IRS1: variants seen among roughly 807,000 people sequenced by gnomAD.
IRS1 encodes insulin receptor substrate 1.
In IRS1, 34 loss-of-function variants were observed where a neutral mutation model predicts 65.6. The observed-to-expected ratio is 0.52, with a 90% CI of 0.39 to 0.69. The LOEUF (loss-of-function observed/expected upper bound fraction) is 0.69, where lower values mean the gene tolerates loss of function less well. Ranked by LOEUF, IRS1 falls within the 30% of genes least tolerant of loss-of-function variation. The pLI, the probability that IRS1 is intolerant of heterozygous loss-of-function variation, is 0.00. For missense variants in IRS1, 1,641 were observed against 1,720.2 expected (o/e 0.95, Z 0.81); for synonymous variants, 699 against 683.5 (o/e 1.02, Z -0.35).
chr2:226,770,310 C>A (rs1347292276), intron 1 of IRS1, among the ~76,000 whole-genome samples: 1 of 152,214 alleles, frequency 6.6e-6, no homozygotes, highest in East Asian at 1.9e-4. Context: ...AACAATAAAA[C>A]TAAATATGAG....
At chr2:226,769,162 T>A (rs542419736) in intron 1 of IRS1, among the ~76,000 whole-genome samples, 1 of 152,290 alleles carries the variant, frequency 6.6e-6, no homozygotes, top group African/African-American at 2.4e-5. Flanking sequence ...ACTCCCACTA[T>A]CACCGAATCA....
intron 1 of IRS1, among the ~76,000 whole-genome samples, chr2:226,777,584 T>A (rs1039129723): frequency 1.1e-4 from 16 of 152,212 alleles, no homozygotes; most frequent in Non-Finnish European, 2.2e-4. Flanking sequence ...GCTCCCATAA[T>A]TCCCATGTGT....
intron 1 of IRS1, among the ~76,000 whole-genome samples, chr2:226,748,875 A>G (rs566333190): frequency 6.6e-6 from 1 of 152,318 alleles, no homozygotes; most frequent in South Asian, 2.1e-4. Flanking sequence ...GAACAGAACA[A>G]GTTGATTTCC....
Position 226,758,688 on chromosome 2 carries a change from T to C in IRS1, c.*22-22438A>G, listed in dbSNP as rs1938851957. On this transcript the variant is annotated intron_variant, in intron 1 of 1. Transcript: ENST00000305123. ...CTAAGATATCTCTATGTGCCTCAAG[T>C]ATCTACTGCTAGAAATGTGGAAATG... Among the ~76,000 whole-genome samples the C allele has an allele frequency of 1.3e-5, 2 of 152,068 alleles. 1 individual carries two copies. Among genetic ancestry groups the C allele is most frequent in the South Asian group, 4.2e-4 (2 of 4,806 alleles).
In IRS1 at chr2:226,799,433, C is replaced by A; in HGVS notation, c.-695G>T. The A allele has an allele frequency of 8.3e-7, 1 of 1,211,756 alleles. No homozygotes were observed. The highest frequency in any genetic ancestry group is 1.7e-5 in the African/African-American group (1 of 60,212). 75.1% of individuals were successfully genotyped at this position (1,211,756 alleles called of 1,614,324 possible). On this transcript the variant is annotated 5_prime_UTR_variant, in exon 1 of 2. Transcript: ENST00000305123. The surrounding 1 kb of genome is among the most constrained non-coding windows in gnomAD (Gnocchi z 6.1). ...CGTCCTCTGCAGCCCCCATCCGGGC[C>A]CATCTCGGCGGGTGGAGAAAGTGGC...
At position 226,795,568 on chromosome 2, in the gene IRS1, C is replaced by T. The variant is rs781725718; in HGVS notation, c.3171G>A (p.Ser1057=). 7.9e-5 allele frequency: 127 copies of T among 1,612,844 alleles called. 1 individual carries two copies. The highest frequency in any genetic ancestry group is 7.5e-4 in the Admixed American group (45 of 60,002). Residue 1057 remains serine (S), a synonymous_variant, in exon 1 of 2, where the codon TCG becomes TCA. Transcript: ENST00000305123. Reference sequence around the variant, plus strand: ...GTCCTTGTGGGCCCCCCAGCAGGGACGAGTGGGCAGCCAGCTCTGCTGCCC... The same window carrying T: ...GTCCTTGTGGGCCCCCCAGCAGGGATGAGTGGGCAGCCAGCTCTGCTGCCC... The part of the protein sequence containing the change: ...PQGAAELAAH[S]SLLGGPQGPG...
chr2:226,787,319 G>A (rs148602460), intron 1 of IRS1, among the ~76,000 whole-genome samples: 291 of 152,246 alleles, frequency 1.9e-3, no homozygotes, highest in African/African-American at 6.8e-3. Context: ...AGGAAGCCAT[G>A]GTTAGAAAGA....
At chr2:226,762,554 A>T (rs990362007) in intron 1 of IRS1, among the ~76,000 whole-genome samples, 1 of 152,162 alleles carries the variant, frequency 6.6e-6, no homozygotes, top group Non-Finnish European at 1.5e-5. Context: ...TCTCTACCCC[A>T]ACAACTCAAC....
intron 1 of IRS1, among the ~76,000 whole-genome samples, chr2:226,788,189 A>G (rs1939522170): frequency 6.6e-6 from 1 of 152,168 alleles, no homozygotes; most frequent in South Asian, 2.1e-4. Context: ...CATATGTAAT[A>G]TGCAATATTT....
intron 1 of IRS1, among the ~76,000 whole-genome samples, chr2:226,773,203 A>G (rs1939196617): frequency 2.0e-5 from 3 of 152,216 alleles, no homozygotes; most frequent in Non-Finnish European, 4.4e-5. Flanking sequence ...TTATAAAGGA[A>G]CATAAGGTTT....
At chr2:226,776,551 C>T (rs971922823) in intron 1 of IRS1, among the ~76,000 whole-genome samples, 1 of 152,104 alleles carries the variant, frequency 6.6e-6, no homozygotes, top group Non-Finnish European at 1.5e-5. Flanking sequence ...CTGTTGATAA[C>T]AGGTACACTT....
intron 1 of IRS1, among the ~76,000 whole-genome samples, chr2:226,766,133 A>C (rs1173256083): frequency 9.8e-4 from 3 of 3,068 alleles, no homozygotes; most frequent in African/African-American, 1.8e-3. Flanking sequence ...ATATATATAT[A>C]TATATATATA....
At chr2:226,753,629 AG>A (rs1375658367) in intron 1 of IRS1, among the ~76,000 whole-genome samples, 4 of 152,216 alleles carry the variant, frequency 2.6e-5, no homozygotes, top group Admixed American at 6.5e-5. Context: ...GTGTATACCA[AG>A]AAAGGATCTA....
intron 1 of IRS1, among the ~76,000 whole-genome samples, chr2:226,766,118 ATCT>A (rs1939025297): frequency 1.8e-5 from 1 of 56,316 alleles, no homozygotes; most frequent in Non-Finnish European, 3.3e-5. Context: ...CCCTCTCTTA[ATCT>A]TATATATATA....
At chr2:226,772,813 T>C (rs1353934682) in intron 1 of IRS1, among the ~76,000 whole-genome samples, 6 of 152,152 alleles carry the variant, frequency 3.9e-5, no homozygotes. Flanking sequence ...AAGCAGTAAG[T>C]TACCACTGCT....
chr2:226,797,597 C>G lies in IRS1; in HGVS notation c.1142G>C (p.Arg381Pro). The change falls in exon 1 of 2, where the codon CGC becomes CCC. Residue 381 changes from arginine to proline, a missense_variant. Around this residue, in one of 3 missense-constraint regions of IRS1, gnomAD observed 1,324 missense variants for 1,361.0 expected, o/e 0.97. Transcript: ENST00000305123. The surrounding 1 kb of genome is among the most constrained non-coding windows in gnomAD (Gnocchi z 8.1). ...HSRSIPMPASRCSPSATSPVS... is the reference protein window; with the variant it reads ...HSRSIPMPASPCSPSATSPVS... Reference sequence around the variant, plus strand: ...CGGGCTGGTGGCCGAAGGCGAGCAGCGGGAAGCCGGCATGGGGATGGAGCG... The same window carrying G: ...CGGGCTGGTGGCCGAAGGCGAGCAGGGGGAAGCCGGCATGGGGATGGAGCG... The G allele has an allele frequency of 6.3e-7, 1 of 1,588,008 alleles. No homozygotes were observed. The highest frequency in any genetic ancestry group is 8.5e-7 in the Non-Finnish European group (1 of 1,170,582).
Position 226,796,226 on chromosome 2 carries a change from T to C in IRS1, c.2513A>G (p.Gln838Arg), listed in dbSNP as rs763913578. The C allele has an allele frequency of 1.9e-6, 3 of 1,613,410 alleles. No homozygotes were observed. The highest frequency in any genetic ancestry group is 1.7e-6 in the Non-Finnish European group (2 of 1,179,804). ...GTCCACCTTTCGAGGCAGATGGGGCTGCAGAACCTGATGGTGGGGATGTGG... is the reference window on the plus strand; with the variant it reads ...GTCCACCTTTCGAGGCAGATGGGGCCGCAGAACCTGATGGTGGGGATGTGG... Reference protein sequence around the residue: ...SLPHPHHQVLQPHLPRKVDTA... With the variant: ...SLPHPHHQVLRPHLPRKVDTA... The change falls in exon 1 of 2, where the codon CAG (glutamine) becomes CGG (arginine). Residue 838 changes from glutamine to arginine, a missense_variant. Physicochemically the swap from Gln to Arg is conservative, Grantham distance 43. Transcript: ENST00000305123.
At chr2:226,751,224 T>C (rs866384712) in intron 1 of IRS1, among the ~76,000 whole-genome samples, 6 of 151,192 alleles carry the variant, frequency 4.0e-5, no homozygotes, top group African/African-American at 9.7e-5. Flanking sequence ...AAAGAGGACA[T>C]TGGGGGAAAA....
chr2:226,733,120 T>C lies in IRS1; in HGVS notation c.*3152A>G, dbSNP rs1444057622. The C allele has an allele frequency of 6.6e-6, 1 of 152,244 alleles. No homozygotes were observed. The highest frequency in any genetic ancestry group is 1.5e-5 in the Non-Finnish European group (1 of 68,048). 9.4% of individuals were successfully genotyped at this position (152,244 alleles called of 1,614,324 possible). A position where few individuals can be genotyped will look rare whatever the true frequency, so the allele number is the denominator to read the frequency against. On this transcript the variant is annotated 3_prime_UTR_variant, in exon 2 of 2. Coordinates refer to ENST00000305123, the MANE Select transcript of IRS1 (RefSeq NM_005544.3). Reference sequence around the variant, plus strand: ...ATATAAAGTTTCCGACTTTGTGGTATATTGTATTCAAGATGCAAGATTGAA... The same window carrying C: ...ATATAAAGTTTCCGACTTTGTGGTACATTGTATTCAAGATGCAAGATTGAA...
Sources: gnomAD v4.1 joint callset for allele counts (sites outside exome capture counted in the v4.1 genomes callset) on GRCh38, gnomAD v4.1.1 for gene constraint, gnomAD v4.1.1 regional missense constraint, Gnocchi (gnomAD v3.1) non-coding constraint, MANE v1.5 for transcripts, NCBI Gene and HGNC (gene_info 2026-07-23, HGNC 2026-07-21) for gene names.